ERBB4: variants seen among roughly 807,000 people sequenced by gnomAD.
ERBB4 encodes the protein receptor tyrosine-protein kinase erbB-4.
ERBB4 carries 42 observed loss-of-function variants against 158.0 expected under a neutral mutation model. That is an observed-to-expected ratio of 0.27 (90% CI 0.21 to 0.34). The LOEUF (loss-of-function observed/expected upper bound fraction) is 0.34. Among genes scored for constraint, ERBB4 ranks in the 10% least tolerant of loss-of-function variants. ERBB4 has a pLI of 1.00. For synonymous variants in ERBB4, 583 were observed against 558.7 expected, an observed-to-expected ratio of 1.04 and a Z score of -0.61; for missense variants, 1,333 against 1,624.1, an observed-to-expected ratio of 0.82 and a Z score of 3.08.
At chr2:211,530,167 T>C (rs1013237966) in intron 20 of ERBB4, among the ~76,000 whole-genome samples, 2 of 151,996 alleles carry the variant, frequency 1.3e-5, no homozygotes, top group Non-Finnish European at 2.9e-5. Context: ...GGATACAAAA[T>C]CAAGATATAG....
At chr2:211,429,966 A>G (rs1302473009) in intron 21 of ERBB4, among the ~76,000 whole-genome samples, 1 of 152,152 alleles carries the variant, frequency 6.6e-6, no homozygotes, top group Non-Finnish European at 1.5e-5. Context: ...GTGCAGTCTT[A>G]GAGTGAATTT....
In ERBB4 at chr2:211,515,912, A is replaced by ATT. The variant is rs1553555083; in HGVS notation, c.2487+45989_2487+45990dup. ...AAACATATATTATATATATATATAT[A>ATT]TTTTTTTTTTTTTTTTTTTTGAGGC... On this transcript the variant is annotated intron_variant, in intron 20 of 27. Coordinates refer to ENST00000342788, the MANE Select transcript of ERBB4 (RefSeq NM_005235.3). 5.0e-3 allele frequency among the ~76,000 whole-genome samples: 396 copies of ATT among 78,966 alleles called. 13 individuals are homozygous for ATT. The highest frequency in any genetic ancestry group is 7.2e-3 in the Non-Finnish European group (299 of 41,800). The allele number at this position is 78,966 out of a possible 152,430, so 51.8% of individuals were successfully genotyped here.
chr2:212,302,014 C>T (rs558787361), intron 1 of ERBB4, among the ~76,000 whole-genome samples: 44 of 151,460 alleles, frequency 2.9e-4, no homozygotes, highest in African/African-American at 1.0e-3. Flanking sequence ...AATACTGTGC[C>T]TTGTTGCTTT....
intron 16 of ERBB4, among the ~76,000 whole-genome samples, chr2:211,649,880 A>C (rs1301167521): frequency 1.9e-4 from 29 of 151,956 alleles, no homozygotes. Flanking sequence ...ATGGCAGAGA[A>C]GGAAATCACT....
intron 5 of ERBB4, among the ~76,000 whole-genome samples, chr2:211,734,672 G>C (rs1355419153): frequency 1.4e-5 from 2 of 141,306 alleles, no homozygotes; most frequent in African/African-American, 5.3e-5. Flanking sequence ...TGTAATCCCA[G>C]CACTTTGGAA....
chr2:211,544,493 T>C (rs1054240750), intron 20 of ERBB4, among the ~76,000 whole-genome samples: 1 of 152,012 alleles, frequency 6.6e-6, no homozygotes, highest in Non-Finnish European at 1.5e-5. Context: ...GAAGAGACTT[T>C]GGGCAGAATC....
At chr2:212,239,464 T>C (rs999979438) in intron 1 of ERBB4, among the ~76,000 whole-genome samples, 5 of 152,206 alleles carry the variant, frequency 3.3e-5, no homozygotes, top group Admixed American at 6.5e-5. Flanking sequence ...TAAATCACCA[T>C]CCAAAATATT....
intron 3 of ERBB4, among the ~76,000 whole-genome samples, chr2:211,836,012 T>C (rs1422343495): frequency 6.6e-6 from 1 of 152,042 alleles, no homozygotes; most frequent in Non-Finnish European, 1.5e-5. Flanking sequence ...CTATGTTTAT[T>C]GCTACTTAAA....
At chr2:212,146,558 A>G (rs1032923926) in intron 1 of ERBB4, among the ~76,000 whole-genome samples, 1 of 152,188 alleles carries the variant, frequency 6.6e-6, no homozygotes, top group Non-Finnish European at 1.5e-5. Flanking sequence ...TCTAACTTGC[A>G]TAAAACATTG....
At chr2:211,434,779 C>T (rs2063815480) in intron 20 of ERBB4, among the ~76,000 whole-genome samples, 1 of 152,212 alleles carries the variant, frequency 6.6e-6, no homozygotes, top group South Asian at 2.1e-4. Flanking sequence ...CAGTTTCCCT[C>T]ACCCACCTGA....
chr2:212,086,697 C>T (rs1031919758), intron 2 of ERBB4, among the ~76,000 whole-genome samples: 2 of 151,976 alleles, frequency 1.3e-5, no homozygotes, highest in Non-Finnish European at 2.9e-5. Flanking sequence ...TAAAACTCCA[C>T]ACTTTGTATC....
At chr2:212,160,793 A>C (rs776280769) in intron 1 of ERBB4, among the ~76,000 whole-genome samples, 1 of 151,978 alleles carries the variant, frequency 6.6e-6, no homozygotes, top group Non-Finnish European at 1.5e-5. Context: ...CTGACACCTG[A>C]TGATCTCTTC....
intron 19 of ERBB4, among the ~76,000 whole-genome samples, chr2:211,579,416 A>G (rs1559315103): frequency 6.6e-6 from 1 of 152,162 alleles, no homozygotes; most frequent in Non-Finnish European, 1.5e-5. Context: ...TAAAACCAGA[A>G]ATACCATTTG....
intron 3 of ERBB4, among the ~76,000 whole-genome samples, chr2:211,884,488 G>C (rs1298748604): frequency 6.6e-6 from 1 of 151,924 alleles, no homozygotes; most frequent in African/African-American, 2.4e-5. Context: ...TTGTTCTTTT[G>C]TTCAAGCTAA....
At chr2:212,495,374 G>A (rs76480609) in intron 1 of ERBB4, among the ~76,000 whole-genome samples, 6,840 of 152,070 alleles carry the variant, frequency 0.045, 519 homozygotes, top group African/African-American at 0.15. Context: ...TTTAAACTTG[G>A]TAAGTTTTAG....
At chr2:212,194,176 C>A (rs1243677181) in intron 1 of ERBB4, among the ~76,000 whole-genome samples, 1 of 151,764 alleles carries the variant, frequency 6.6e-6, no homozygotes, top group Non-Finnish European at 1.5e-5. Flanking sequence ...CAGCACATAT[C>A]TGCAAGACGG....
At chr2:211,558,301 C>T (rs2067293214) in intron 20 of ERBB4, among the ~76,000 whole-genome samples, 3 of 152,102 alleles carry the variant, frequency 2.0e-5, no homozygotes, top group South Asian at 2.1e-4. Flanking sequence ...AATGCATGGT[C>T]CCTTCCTCCA....
chr2:212,283,585 A>T (rs2085842011), intron 1 of ERBB4, among the ~76,000 whole-genome samples: 1 of 151,948 alleles, frequency 6.6e-6, no homozygotes, highest in African/African-American at 2.4e-5. Flanking sequence ...ATATTCATTA[A>T]GTTTTTTTAA....
chr2:212,250,294 T>A (rs914568410), intron 1 of ERBB4, among the ~76,000 whole-genome samples: 6 of 152,036 alleles, frequency 3.9e-5, no homozygotes, highest in Non-Finnish European at 8.8e-5. Context: ...CTATGAAAGA[T>A]AATCTCCTTA....
Sources: gnomAD v4.1 joint callset for allele counts (sites outside exome capture counted in the v4.1 genomes callset) on GRCh38, gnomAD v4.1.1 for gene constraint, MANE v1.5 for transcripts, NCBI Gene and HGNC (gene_info 2026-07-23, HGNC 2026-07-21) for gene names.